The following ANXA6 variants were observed in gnomAD, a reference collection of about 807,000 sequenced individuals.
ANXA6 encodes annexin A6.
Under a neutral mutation model 95.4 loss-of-function variants are expected in ANXA6, and 71 were observed. That is an observed-to-expected ratio of 0.74 (90% confidence interval 0.61 to 0.91). The LOEUF (loss-of-function observed/expected upper bound fraction) is 0.91. Ranked by LOEUF, ANXA6 falls within the 40% of genes least tolerant of loss-of-function variation. ANXA6 has a pLI of 0.00. For missense variants in ANXA6, 830 were observed against 876.4 expected, an observed-to-expected ratio of 0.95 and a Z score of 0.67; for synonymous variants, 289 against 315.9, an observed-to-expected ratio of 0.91 and a Z score of 0.90.
intron 7 of ANXA6, among the ~76,000 whole-genome samples, chr5:151,135,568 G>A (rs1166171825): frequency 6.6e-6 from 1 of 152,212 alleles, no homozygotes; most frequent in Admixed American, 6.5e-5. Context: ...CTCAATGCCT[G>A]TTCCCATCGT....
intron 13 of ANXA6, among the ~76,000 whole-genome samples, chr5:151,127,644 T>G (rs1006178749): frequency 1.3e-5 from 2 of 152,190 alleles, no homozygotes; most frequent in Admixed American, 6.5e-5. Flanking sequence ...CATCTCTGTG[T>G]GCTTTTATAT....
At chr5:151,137,079 G>T (rs1765684261) in intron 6 of ANXA6, 152 bp downstream of exon 6, 3 of 706,678 alleles carry the variant, frequency 4.2e-6, no homozygotes, top group Non-Finnish European at 7.1e-6. Flanking sequence ...CCAGCACAGA[G>T]CAAGTACTTA....
chr5:151,147,463 C>T (rs1429722494), intron 2 of ANXA6, among the ~76,000 whole-genome samples: 1 of 152,210 alleles, frequency 6.6e-6, no homozygotes, highest in Non-Finnish European at 1.5e-5. Context: ...ATGTTGTTTT[C>T]TCCCTGGGCT....
rs1765464076 is a variant in ANXA6, at chr5:151,130,480, T to C, written c.795+751A>G. 2.6e-5 allele frequency among the ~76,000 whole-genome samples: 4 copies of C among 152,178 alleles called. No homozygotes were observed. In the South Asian group the frequency reaches 8.3e-4, roughly 32 times the overall value. On this transcript the variant is annotated intron_variant, in intron 11 of 25. Transcript: ENST00000354546. ...ATGTTGCCCAGGCTGGTCTTGAACT[T>C]TGGGCCTCAAGTGATCCTCCCACTT...
chr5:151,129,901 G>A (rs1765447380), intron 11 of ANXA6, among the ~76,000 whole-genome samples: 1 of 152,104 alleles, frequency 6.6e-6, no homozygotes, highest in African/African-American at 2.4e-5. Context: ...AGTAGAGATG[G>A]GGTTTTGCCA....
At chr5:151,141,317 G>A (rs1378498730) in intron 2 of ANXA6, among the ~76,000 whole-genome samples, 1 of 152,204 alleles carries the variant, frequency 6.6e-6, no homozygotes, top group Non-Finnish European at 1.5e-5. Context: ...TAATGGCTGA[G>A]GAATTGGGGA....
chr5:151,126,301 T>C (rs1028032100), intron 14 of ANXA6, 101 bp downstream of exon 14: 4 of 977,954 alleles, frequency 4.1e-6, no homozygotes, highest in African/African-American at 3.2e-5. Flanking sequence ...ACGTGTCGGG[T>C]TGGCCGCCAG....
intron 18 of ANXA6, among the ~76,000 whole-genome samples, chr5:151,118,219 A>T (rs1725476969): frequency 6.6e-6 from 1 of 151,546 alleles, no homozygotes; most frequent in African/African-American, 2.4e-5. Context: ...GTACTCAAAA[A>T]TTCTGCCATT....
At chr5:151,107,295 A>G (rs1764719887) in intron 23 of ANXA6, among the ~76,000 whole-genome samples, 1 of 152,206 alleles carries the variant, frequency 6.6e-6, no homozygotes, top group African/African-American at 2.4e-5. Context: ...AATCCACCCT[A>G]TGGGCTGGGC....
At chr5:151,105,429 C>T (rs1044619311) in intron 23 of ANXA6, 126 bp from the exon 24 acceptor site, 1 of 799,514 alleles carries the variant, frequency 1.3e-6, no homozygotes, top group Non-Finnish European at 2.2e-6. Context: ...TTGTCAACCC[C>T]AGGGTCATGC....
intron 2 of ANXA6, among the ~76,000 whole-genome samples, chr5:151,147,502 C>A (rs576943343): frequency 6.6e-6 from 1 of 152,298 alleles, no homozygotes; most frequent in South Asian, 2.1e-4. Context: ...AAGCCTGGAG[C>A]TGCTGATGAC....
chr5:151,102,077 T>C (rs556103260), intron 25 of ANXA6, among the ~76,000 whole-genome samples: 1 of 152,318 alleles, frequency 6.6e-6, no homozygotes, highest in Non-Finnish European at 1.5e-5. Flanking sequence ...ACCATCACGC[T>C]CACCACACAT....
Position 151,137,986 on chromosome 5 carries a change from T to C in ANXA6, c.319-665A>G, listed in dbSNP as rs916160374. On this transcript the variant is annotated intron_variant, in intron 5 of 25. Coordinates refer to ENST00000354546, the MANE Select transcript of ANXA6 (RefSeq NM_001155.5). ...GGCCTCAGTTTTCTCATCTGTAAAA[T>C]GTAGATGATATTAGTTGCTCTGCCA... 3.3e-5 allele frequency among the ~76,000 whole-genome samples: 5 copies of C among 152,180 alleles called. No individual in the cohort carries two copies. The South Asian group carries it at 6.2e-4, about 19-fold the overall frequency.
At position 151,108,539 on chromosome 5, in the gene ANXA6, A is replaced by G; in HGVS notation, c.1696T>C (p.Phe566Leu). Residue 566 changes from phenylalanine to leucine, a missense_variant, in exon 23 of 26, where the codon TTC becomes CTC. Phe to Leu is a conservative substitution (Grantham distance 22, BLOSUM62 0). Transcript: ENST00000354546. The stretch of plus-strand genomic sequence containing the variant: ...ACGTCATAGTTGGTCATCTTGATGA[A>G]CTCCTGGAAGACTGGCCACAAGAGA... Reference protein sequence around the residue: ...YPHLRRVFQEFIKMTNYDVEH... With the variant: ...YPHLRRVFQELIKMTNYDVEH... 1 of 1,613,798 alleles carries G rather than the reference A, an allele frequency of 6.2e-7. No individual in the cohort carries two copies. Among genetic ancestry groups the G allele is most frequent in the South Asian group, 1.1e-5 (1 of 91,076 alleles).
rs11543964 is a variant in ANXA6, at chr5:151,133,179, G to A, written c.555C>T (p.Tyr185=). The change falls in exon 9 of 26, where the codon TAC becomes TAT. Residue 185 remains tyrosine, a synonymous_variant. Transcript: ENST00000354546. Reference sequence around the variant, plus strand: ...TTCCCCATTTCAGTTCCCCTGCCTCGTATAGGTCCTGAAGGGGAAGAGGTG... The same window carrying A: ...TTCCCCATTTCAGTTCCCCTGCCTCATATAGGTCCTGAAGGGGAAGAGGTG... ...DLVQQDVQDL[Y]EAGELKWGTD... is the part of the protein sequence containing the mutation. 12,664 of 1,584,218 alleles carry A rather than the reference G, an allele frequency of 8.0e-3. 581 individuals are homozygous for A. The East Asian group carries it at 0.13, about 16-fold the overall frequency.
At chr5:151,126,738 C>T (rs555067740) in intron 13 of ANXA6, among the ~76,000 whole-genome samples, 20 of 152,064 alleles carry the variant, frequency 1.3e-4, no homozygotes, top group East Asian at 9.7e-4. Flanking sequence ...TTATTTGAGA[C>T]GGAGTTTTGC....
At chr5:151,138,934 T>C (rs1409809941) in intron 4 of ANXA6, 143 bp from the exon 5 acceptor site, 2 of 657,522 alleles carry the variant, frequency 3.0e-6, no homozygotes, top group South Asian at 1.8e-5. Context: ...AGGTATGTAC[T>C]GTTACCAACC....
chr5:151,124,480 G>A (rs893569275), intron 14 of ANXA6, 113 bp from the exon 15 acceptor site: 17 of 970,078 alleles, frequency 1.8e-5, no homozygotes, highest in South Asian at 5.8e-5. Flanking sequence ...ACCAAGCGGC[G>A]TGGGTGGGGA....
intron 25 of ANXA6, among the ~76,000 whole-genome samples, chr5:151,103,154 A>G (rs57840920): frequency 0.018 from 2,745 of 152,032 alleles, 80 homozygotes; most frequent in African/African-American, 0.063. Flanking sequence ...GAGCCAACAC[A>G]CCCAGCTAAT....
Sources: allele counts gnomAD v4.1 joint callset (sites outside exome capture counted in the v4.1 genomes callset), GRCh38; gene constraint gnomAD v4.1.1; transcripts MANE v1.5; gene names NCBI Gene and HGNC (gene_info 2026-07-23, HGNC 2026-07-21).